Variants in SAMD5 observed in about 807,000 individuals in gnomAD.
SAMD5 encodes sterile alpha motif domain-containing protein 5.
SAMD5 carries 13 observed loss-of-function variants against 11.3 expected under a neutral mutation model. That is an observed-to-expected ratio of 1.15 (90% confidence interval 0.75 to 1.83). SAMD5 has a LOEUF of 1.83. Ranked by LOEUF, SAMD5 falls within the 40% of genes most tolerant of loss-of-function variation. SAMD5 has a pLI of 0.00. For synonymous variants in SAMD5, 129 were observed against 111.3 expected (o/e 1.16, Z -1.00); for missense variants, 255 against 239.1 (o/e 1.07, Z -0.44).
At chr6:147,875,638 C>CA in the SAMD5 span, among the ~76,000 whole-genome samples, 1 of 152,148 alleles carries the variant, frequency 6.6e-6, no homozygotes, top group Non-Finnish European at 1.5e-5. Context: ...CATCTGTCCT[C>CA]ACAGCCACTC....
At chr6:147,658,602 T>A (rs1357625) in intron 1 of SAMD5, among the ~76,000 whole-genome samples, 2 of 151,622 alleles carry the variant, frequency 1.3e-5, no homozygotes, top group Non-Finnish European at 2.9e-5. Context: ...ATTTACTAAT[T>A]GAAATGATAT....
At chr6:147,933,107 A>T in the SAMD5 span, among the ~76,000 whole-genome samples, 1 of 152,164 alleles carries the variant, frequency 6.6e-6, no homozygotes, top group Non-Finnish European at 1.5e-5. Flanking sequence ...AATAGTATGG[A>T]TAAAATTCCA....
At chr6:147,882,114 AT>A in the SAMD5 span, among the ~76,000 whole-genome samples, 1 of 152,112 alleles carries the variant, frequency 6.6e-6, no homozygotes, top group African/African-American at 2.4e-5. Flanking sequence ...CCAGGGCTAA[AT>A]TTTCTTCTCA....
chr6:147,714,505 C>T (rs1361067028), intron 1 of SAMD5, among the ~76,000 whole-genome samples: 1 of 152,082 alleles, frequency 6.6e-6, no homozygotes, highest in African/African-American at 2.4e-5. Flanking sequence ...TGAGGTCCTT[C>T]TACCTGGAAG....
the SAMD5 span, among the ~76,000 whole-genome samples, chr6:147,834,677 T>A: frequency 2.0e-5 from 3 of 152,208 alleles, no homozygotes; most frequent in Admixed American, 1.3e-4. Flanking sequence ...ACCATTCTTA[T>A]GAAATATGGC....
chr6:147,866,519 G>A, the SAMD5 span, among the ~76,000 whole-genome samples: 20 of 152,236 alleles, frequency 1.3e-4, no homozygotes, highest in African/African-American at 3.9e-4. Flanking sequence ...ATGAAAGTAC[G>A]CCAAAATGCC....
At chr6:147,785,824 A>G in the SAMD5 span, among the ~76,000 whole-genome samples, 1 of 152,228 alleles carries the variant, frequency 6.6e-6, no homozygotes, top group Non-Finnish European at 1.5e-5. Flanking sequence ...TACTACAGGA[A>G]GATCTCAAGA....
intron 1 of SAMD5, among the ~76,000 whole-genome samples, chr6:147,635,463 A>G (rs1304447834): frequency 6.6e-6 from 1 of 152,200 alleles, no homozygotes; most frequent in Non-Finnish European, 1.5e-5. Context: ...TCTGTTGCCT[A>G]TATATTTTCT....
chr6:147,622,367 GT>G (rs1789984106), intron 1 of SAMD5, among the ~76,000 whole-genome samples: 1 of 151,986 alleles, frequency 6.6e-6, no homozygotes, highest in Admixed American at 6.5e-5. Context: ...TTCTATTGTG[GT>G]TTTTTGAAAA....
intron 1 of SAMD5, among the ~76,000 whole-genome samples, chr6:147,589,846 A>G (rs1789428687): frequency 1.3e-5 from 2 of 152,208 alleles, no homozygotes; most frequent in Non-Finnish European, 2.9e-5. Context: ...ATGAAATCCA[A>G]TAATGTCACT....
At chr6:147,660,273 G>A (rs188383214) in intron 1 of SAMD5, among the ~76,000 whole-genome samples, 1 of 152,282 alleles carries the variant, frequency 6.6e-6, no homozygotes, top group Admixed American at 6.5e-5. Flanking sequence ...ACATGGAAGT[G>A]CAGTAAGTCA....
At chr6:147,513,283 A>G (rs1404939037) in intron 1 of SAMD5, among the ~76,000 whole-genome samples, 1 of 152,212 alleles carries the variant, frequency 6.6e-6, no homozygotes, top group Non-Finnish European at 1.5e-5. Context: ...AGACTGTTGC[A>G]GTGTCAGGAG....
chr6:147,801,031 A>G, the SAMD5 span, among the ~76,000 whole-genome samples: 1 of 152,174 alleles, frequency 6.6e-6, no homozygotes, highest in Non-Finnish European at 1.5e-5. Context: ...TATATCAGTT[A>G]AAATTGAGAA....
chr6:147,697,664 A>G (rs529445252), intron 1 of SAMD5, among the ~76,000 whole-genome samples: 6 of 152,340 alleles, frequency 3.9e-5, no homozygotes, highest in Non-Finnish European at 5.9e-5. Flanking sequence ...CAAGGAAGAA[A>G]TGTAACAACG....
At chr6:147,604,703 G>C (rs1033401728) in intron 1 of SAMD5, among the ~76,000 whole-genome samples, 19 of 152,118 alleles carry the variant, frequency 1.2e-4, no homozygotes, top group Non-Finnish European at 2.6e-4. Context: ...CAGCATCATG[G>C]AATATGTGAA....
chr6:147,779,096 G>GATATTGAGC, the SAMD5 span, among the ~76,000 whole-genome samples: 4 of 151,884 alleles, frequency 2.6e-5, no homozygotes, highest in African/African-American at 4.8e-5. Context: ...TAAGAGACAG[G>GATATTGAGC]ATATTGAGCA....
At chr6:147,618,927 G>A (rs1259864947) in intron 1 of SAMD5, among the ~76,000 whole-genome samples, 1 of 152,226 alleles carries the variant, frequency 6.6e-6, no homozygotes. Flanking sequence ...TGTGTCTTAT[G>A]AGGAAGTTGG....
intron 1 of SAMD5, among the ~76,000 whole-genome samples, chr6:147,675,516 G>T (rs1483388776): frequency 6.6e-6 from 1 of 152,200 alleles, no homozygotes; most frequent in Non-Finnish European, 1.5e-5. Context: ...CATTAGGGAT[G>T]AATGTTTCTT....
At chr6:147,803,628 T>C in the SAMD5 span, among the ~76,000 whole-genome samples, 2 of 152,226 alleles carry the variant, frequency 1.3e-5, no homozygotes, top group Non-Finnish European at 2.9e-5. Flanking sequence ...GCTATCTTTG[T>C]AACAGCCTTG....
Sources: gnomAD v4.1 joint callset for allele counts (sites outside exome capture counted in the v4.1 genomes callset) on GRCh38, gnomAD v4.1.1 for gene constraint, MANE v1.5 for transcripts, NCBI Gene and HGNC (gene_info 2026-07-23, HGNC 2026-07-21) for gene names.